Variants in MAPKAPK2 observed in about 807,000 individuals in gnomAD.
MAPKAPK2 encodes the protein MAP kinase-activated protein kinase 2.
MAPKAPK2 carries 9 observed loss-of-function variants against 48.8 expected under a neutral mutation model. That is an observed-to-expected ratio of 0.18 (90% CI 0.11 to 0.32). MAPKAPK2 has a LOEUF of 0.32. Among genes scored for constraint, MAPKAPK2 ranks in the 10% least tolerant of loss-of-function variants. MAPKAPK2 has a pLI of 1.00. For missense variants in MAPKAPK2, 331 were observed against 498.3 expected, an observed-to-expected ratio of 0.66 and a Z score of 3.20; for synonymous variants, 202 against 190.6, an observed-to-expected ratio of 1.06 and a Z score of -0.49.
At chr1:206,728,253 G>C (rs1158863048) in intron 1 of MAPKAPK2, among the ~76,000 whole-genome samples, 2 of 152,182 alleles carry the variant, frequency 1.3e-5, no homozygotes, top group African/African-American at 4.8e-5. Flanking sequence ...CTCTGGATTT[G>C]TTGTGCTGGG....
chr1:206,727,959 T>C (rs1169622174), intron 1 of MAPKAPK2, among the ~76,000 whole-genome samples: 1 of 152,136 alleles, frequency 6.6e-6, no homozygotes, highest in Non-Finnish European at 1.5e-5. Flanking sequence ...AGTTGAGTTG[T>C]AGGCTTGTTC....
rs1040781059 is a variant in MAPKAPK2, at chr1:206,729,383, C to T, written c.485-13C>T. The T allele has an allele frequency of 3.7e-6, 6 of 1,606,980 alleles. No homozygotes were observed. The highest frequency in any genetic ancestry group is 2.7e-5 in the African/African-American group (2 of 74,756). ...GACTTTCTTTCCCACTCACTCTTCC[C>T]TCCCCTCTACAGAAGCATCCGAAAT... On this transcript the variant is annotated splice_polypyrimidine_tract_variant and intron_variant, in intron 3 of 9. Transcript: ENST00000367103.
At chr1:206,721,236 C>T (rs1287764780) in intron 1 of MAPKAPK2, among the ~76,000 whole-genome samples, 1 of 152,158 alleles carries the variant, frequency 6.6e-6, no homozygotes, top group Admixed American at 6.5e-5. Flanking sequence ...CCTTCACCTT[C>T]CACCATGATT....
chr1:206,719,220 C>T (rs925420681), intron 1 of MAPKAPK2, among the ~76,000 whole-genome samples: 8 of 152,168 alleles, frequency 5.3e-5, no homozygotes, highest in African/African-American at 1.9e-4. Context: ...ATCTACAGTG[C>T]GATTTTTAGG....
At chr1:206,722,553 G>C (rs1414197473) in intron 1 of MAPKAPK2, among the ~76,000 whole-genome samples, 1 of 152,136 alleles carries the variant, frequency 6.6e-6, no homozygotes, top group Non-Finnish European at 1.5e-5. Flanking sequence ...AATAAGCATC[G>C]TTAAGAAAAT....
chr1:206,710,605 G>A (rs1553429307), intron 1 of MAPKAPK2, among the ~76,000 whole-genome samples: 1 of 152,198 alleles, frequency 6.6e-6, no homozygotes, highest in Admixed American at 6.5e-5. Flanking sequence ...CAGTGAAGGT[G>A]GCATGTCAGC....
chr1:206,722,752 C>T (rs1553431386), intron 1 of MAPKAPK2, among the ~76,000 whole-genome samples: 1 of 152,230 alleles, frequency 6.6e-6, no homozygotes, highest in Non-Finnish European at 1.5e-5. Context: ...CGGCCTGCAG[C>T]CTGCTCCAGC....
In MAPKAPK2 at chr1:206,733,311, C is replaced by G. The variant is rs957060839; in HGVS notation, c.*593C>G. The G allele has an allele frequency of 1.3e-5, 2 of 152,496 alleles. No individual in the cohort carries two copies. Among genetic ancestry groups the G allele is most frequent in the African/African-American group, 4.9e-5 (2 of 41,144 alleles). 9.4% of individuals were successfully genotyped at this position (152,496 alleles called of 1,614,324 possible). A position where few individuals can be genotyped will look rare whatever the true frequency, so the allele number is the denominator to read the frequency against. On this transcript the variant is annotated 3_prime_UTR_variant, in exon 10 of 10. Transcript: ENST00000367103. ...GTGTGTGTGTGTGTGTGTGTGCACA[C>G]GTGTGTATGAGTGCGCAGATCTGTG...
intron 1 of MAPKAPK2, among the ~76,000 whole-genome samples, chr1:206,709,585 T>A (rs1572495740): frequency 6.6e-6 from 1 of 152,224 alleles, no homozygotes; most frequent in South Asian, 2.1e-4. Flanking sequence ...TATTAAGATA[T>A]CCATTCAGCT....
chr1:206,731,730 G>A lies in MAPKAPK2; in HGVS notation c.978+5G>A. The A allele has an allele frequency of 6.2e-7, 1 of 1,613,972 alleles. No individual in the cohort carries two copies. The highest frequency in any genetic ancestry group is 8.5e-7 in the Non-Finnish European group (1 of 1,179,878). On this transcript the variant is annotated splice_donor_5th_base_variant and intron_variant, in intron 8 of 9. Transcript: ENST00000367103. The surrounding 1 kb of genome is among the most constrained non-coding windows in gnomAD (Gnocchi z 5.9). ...ATGAACCACCCTTGGATCATGGTAA[G>A]CTCGGCAGGCTGGGGAGCCTTGGGT...
At chr1:206,712,563 A>G (rs1673190107) in intron 1 of MAPKAPK2, among the ~76,000 whole-genome samples, 1 of 149,586 alleles carries the variant, frequency 6.7e-6, no homozygotes, top group Non-Finnish European at 1.5e-5. Flanking sequence ...TCTACTACCT[A>G]GCACAGACTG....
chr1:206,699,241 A>G (rs1406156407), intron 1 of MAPKAPK2, among the ~76,000 whole-genome samples: 1 of 152,188 alleles, frequency 6.6e-6, no homozygotes, highest in Admixed American at 6.5e-5. Context: ...ATCTGAAGGA[A>G]GAGTTTCAGG....
intron 1 of MAPKAPK2, among the ~76,000 whole-genome samples, chr1:206,714,972 T>A (rs1673281379): frequency 6.6e-6 from 1 of 152,104 alleles, no homozygotes; most frequent in Admixed American, 6.6e-5. Flanking sequence ...AGCAGATCTT[T>A]GCCACCTCCT....
intron 1 of MAPKAPK2, among the ~76,000 whole-genome samples, chr1:206,721,199 C>T (rs1475507481): frequency 6.6e-6 from 1 of 152,130 alleles, no homozygotes; most frequent in Non-Finnish European, 1.5e-5. Flanking sequence ...GTTGCTCCTG[C>T]TCTTGCCATG....
intron 1 of MAPKAPK2, among the ~76,000 whole-genome samples, chr1:206,693,251 A>G (rs1310951707): frequency 6.6e-6 from 1 of 152,014 alleles, no homozygotes; most frequent in Non-Finnish European, 1.5e-5. Flanking sequence ...TAAACCTGCC[A>G]CTGCTGCAGT....
intron 1 of MAPKAPK2, among the ~76,000 whole-genome samples, chr1:206,723,203 C>T (rs1360695943): frequency 2.0e-5 from 3 of 152,178 alleles, no homozygotes; most frequent in South Asian, 2.1e-4. Flanking sequence ...GTCCTGGGGT[C>T]CCCCGTCTGT....
At chr1:206,725,421 G>C (rs896370124) in intron 1 of MAPKAPK2, among the ~76,000 whole-genome samples, 1 of 152,200 alleles carries the variant, frequency 6.6e-6, no homozygotes, top group Non-Finnish European at 1.5e-5. Flanking sequence ...GCTCAACTCA[G>C]TGGTGACGGA....
intron 3 of MAPKAPK2, 45 bp downstream of exon 3, chr1:206,729,144 G>T: frequency 1.3e-6 from 2 of 1,596,066 alleles, no homozygotes; most frequent in Non-Finnish European, 1.7e-6. Context: ...AGGCAGGGCA[G>T]TGGGGGTCTG....
rs889879746 is a variant in MAPKAPK2 at position 206,718,457 on chromosome 1, G to A, written c.280-10253G>A. 4.6e-5 allele frequency among the ~76,000 whole-genome samples: 7 copies of A among 151,030 alleles called. No homozygotes were observed. In the East Asian group the frequency reaches 1.4e-3, roughly 29 times the overall value. On this transcript the variant is annotated intron_variant, in intron 1 of 9. Coordinates refer to ENST00000367103, the MANE Select transcript of MAPKAPK2 (RefSeq NM_032960.4). ...TGAGGCAGGAGAATGACGTGAACCC[G>A]GGAGGCAGAGCTTGCAGTGAGCCAA...
Sources: gnomAD v4.1 joint callset for allele counts (sites outside exome capture counted in the v4.1 genomes callset) on GRCh38, gnomAD v4.1.1 for gene constraint, Gnocchi (gnomAD v3.1) non-coding constraint, MANE v1.5 for transcripts, NCBI Gene and HGNC (gene_info 2026-07-23, HGNC 2026-07-21) for gene names.